The following SMYD3 variants were observed in gnomAD, a reference collection of about 807,000 sequenced individuals.
SMYD3 encodes SET and MYND domain containing 3.
In SMYD3, 36 loss-of-function variants were observed where a neutral mutation model predicts 57.7. That is an observed-to-expected ratio of 0.62 (90% confidence interval 0.48 to 0.82). SMYD3 has a LOEUF of 0.82. Among genes scored for constraint, SMYD3 ranks in the 40% least tolerant of loss-of-function variants. SMYD3 has a pLI of 0.00. For synonymous variants in SMYD3, 211 were observed against 195.0 expected (o/e 1.08, Z -0.68); for missense variants, 515 against 538.8 (o/e 0.96, Z 0.44).
intron 10 of SMYD3, among the ~76,000 whole-genome samples, chr1:245,778,648 A>G (rs1236969202): frequency 6.6e-6 from 1 of 152,236 alleles, no homozygotes; most frequent in East Asian, 1.9e-4. Flanking sequence ...CCTGAACTTC[A>G]TAACTTATAT....
intron 5 of SMYD3, among the ~76,000 whole-genome samples, chr1:246,249,248 C>A (rs182897325): frequency 6.6e-6 from 1 of 151,944 alleles, no homozygotes; most frequent in Non-Finnish European, 1.5e-5. Context: ...GGAGTACAGG[C>A]GCCTGCCACC....
chr1:246,042,033 T>C (rs145027419), intron 5 of SMYD3, among the ~76,000 whole-genome samples: 4,402 of 152,276 alleles, frequency 0.029, 132 homozygotes, highest in Admixed American at 0.095. Context: ...AGCAATTTGT[T>C]CAAGGTCTTA....
intron 5 of SMYD3, among the ~76,000 whole-genome samples, chr1:246,275,006 T>C (rs1216022407): frequency 6.6e-6 from 1 of 152,192 alleles, no homozygotes; most frequent in Non-Finnish European, 1.5e-5. Flanking sequence ...TTTCATCCTT[T>C]TGACTTTTAT....
At chr1:246,077,835 C>T (rs903798989) in intron 5 of SMYD3, among the ~76,000 whole-genome samples, 2 of 151,986 alleles carry the variant, frequency 1.3e-5, no homozygotes, top group Admixed American at 6.6e-5. Flanking sequence ...GCTATTTTAT[C>T]AACTCTTTAA....
chr1:246,128,699 C>T (rs968760033), intron 5 of SMYD3, among the ~76,000 whole-genome samples: 9 of 152,294 alleles, frequency 5.9e-5, no homozygotes, highest in Middle Eastern at 3.4e-3. Flanking sequence ...ACAACAGAAA[C>T]TCAGTAGAGC....
rs558341248 is a variant in SMYD3, at chr1:246,023,149, C to T, written c.532-93212G>A. Among the ~76,000 whole-genome samples the T allele has an allele frequency of 1.5e-3, 225 of 152,242 alleles. 1 individual carries two copies. The highest frequency in any genetic ancestry group is 0.01 in the Middle Eastern group (3 of 294). ...GTAACTGCCCTGGTTTCAGTATCCA[C>T]GGTGAATGAGAACAGCTAAGAGACA... is the stretch of plus-strand genomic sequence containing the variant. On this transcript the variant is annotated intron_variant, in intron 5 of 11. Coordinates refer to ENST00000490107, the MANE Select transcript of SMYD3 (RefSeq NM_001167740.2).
chr1:246,280,319 A>T (rs1308985945), intron 5 of SMYD3, among the ~76,000 whole-genome samples: 4 of 152,240 alleles, frequency 2.6e-5, no homozygotes, highest in African/African-American at 4.8e-5. Context: ...AGAAATGCAC[A>T]TGATATAGTC....
chr1:246,175,049 T>G (rs2062410264), intron 5 of SMYD3, among the ~76,000 whole-genome samples: 1 of 152,192 alleles, frequency 6.6e-6, no homozygotes, highest in African/African-American at 2.4e-5. Context: ...TATACACATT[T>G]TATCATTTAT....
intron 8 of SMYD3, among the ~76,000 whole-genome samples, chr1:245,893,496 C>T (rs1357051666): frequency 1.1e-3 from 1 of 940 alleles, no homozygotes; most frequent in African/African-American, 1.4e-3. Context: ...TATGAAATAG[C>T]CATGTAATGG....
At chr1:246,299,754 T>C (rs1042891688) in intron 5 of SMYD3, among the ~76,000 whole-genome samples, 3 of 152,104 alleles carry the variant, frequency 2.0e-5, no homozygotes, top group African/African-American at 7.2e-5. Context: ...AAACACCGCA[T>C]GTTCTCACTT....
intron 1 of SMYD3, among the ~76,000 whole-genome samples, chr1:246,377,623 C>T (rs1174024333): frequency 6.6e-6 from 1 of 152,128 alleles, no homozygotes; most frequent in African/African-American, 2.4e-5. Flanking sequence ...CCTGCCTCAG[C>T]CTCCCAAAGT....
intron 5 of SMYD3, among the ~76,000 whole-genome samples, chr1:245,943,190 C>CAAAAAAAAA (rs1553369574): frequency 9.6e-6 from 1 of 104,192 alleles, no homozygotes; most frequent in Non-Finnish European, 2.0e-5. Flanking sequence ...AAAAAAAAAT[C>CAAAAAAAAA]AAAGAATACA....
At chr1:246,333,512 G>A (rs2065494249) in intron 3 of SMYD3, among the ~76,000 whole-genome samples, 1 of 152,064 alleles carries the variant, frequency 6.6e-6, no homozygotes, top group Non-Finnish European at 1.5e-5. Context: ...GCCAACAAAG[G>A]TCTAATATCC....
intron 5 of SMYD3, among the ~76,000 whole-genome samples, chr1:246,044,916 A>G (rs983675936): frequency 6.6e-6 from 1 of 152,284 alleles, no homozygotes. Flanking sequence ...TAGGAATCCA[A>G]CTTACAAGGG....
intron 1 of SMYD3, among the ~76,000 whole-genome samples, chr1:246,439,636 A>AG (rs1316958180): frequency 2.0e-5 from 3 of 151,962 alleles, no homozygotes; most frequent in Non-Finnish European, 4.4e-5. Flanking sequence ...CTGACTCTTA[A>AG]GAAAAAAAAG....
At chr1:246,451,551 T>C (rs2067632572) in intron 1 of SMYD3, among the ~76,000 whole-genome samples, 1 of 152,186 alleles carries the variant, frequency 6.6e-6, no homozygotes, top group Non-Finnish European at 1.5e-5. Flanking sequence ...GATATGATGA[T>C]GGTGGATACA....
chr1:246,199,359 C>T (rs2062875135), intron 5 of SMYD3, among the ~76,000 whole-genome samples: 1 of 152,182 alleles, frequency 6.6e-6, no homozygotes, highest in Admixed American at 6.5e-5. Flanking sequence ...TGAATGCACT[C>T]AGCACCTCAC....
At chr1:246,222,558 G>A (rs1221695838) in intron 5 of SMYD3, among the ~76,000 whole-genome samples, 2 of 152,152 alleles carry the variant, frequency 1.3e-5, no homozygotes, top group African/African-American at 4.8e-5. Flanking sequence ...AAAGTTATCA[G>A]CAAGAGCTCC....
intron 10 of SMYD3, among the ~76,000 whole-genome samples, chr1:245,774,704 C>T (rs943473820): frequency 7.6e-6 from 1 of 132,220 alleles, no homozygotes; most frequent in Admixed American, 8.4e-5. Flanking sequence ...TCTCCCTCTC[C>T]ACGGTCTCCC....
Sources: allele counts gnomAD v4.1 joint callset (sites outside exome capture counted in the v4.1 genomes callset), GRCh38; gene constraint gnomAD v4.1.1; transcripts MANE v1.5; gene names NCBI Gene and HGNC (gene_info 2026-07-23, HGNC 2026-07-21).